The following CSNK1D variants were observed in gnomAD, a reference collection of about 807,000 sequenced individuals.
CSNK1D encodes casein kinase 1 delta.
A neutral mutation model predicts 46.6 loss-of-function variants in CSNK1D; 16 were observed. The observed-to-expected ratio is 0.34, with a 90% confidence interval of 0.23 to 0.52. CSNK1D has a LOEUF of 0.52. Ranked by LOEUF, CSNK1D falls within the 20% of genes least tolerant of loss-of-function variation. CSNK1D has a pLI of 0.95. For missense variants in CSNK1D, 398 were observed against 578.4 expected, an observed-to-expected ratio of 0.69 and a Z score of 3.20; for synonymous variants, 276 against 228.2, an observed-to-expected ratio of 1.21 and a Z score of -1.89.
At chr17:82,257,480 C>T (rs2051201665) in intron 2 of CSNK1D, among the ~76,000 whole-genome samples, 1 of 152,030 alleles carries the variant, frequency 6.6e-6, no homozygotes, top group African/African-American at 2.4e-5. Flanking sequence ...CTAACAAAAA[C>T]AGTAATAGGG....
Position 82,242,707 on chromosome 17 carries a change from T to C in CSNK1D, c.*2074A>G. The C allele has an allele frequency of 1.0e-6, 1 of 985,422 alleles. No homozygotes were observed. The highest frequency in any genetic ancestry group is 5.2e-4 in the Middle Eastern group (1 of 1,914). 61.0% of individuals were successfully genotyped at this position (985,422 alleles called of 1,614,324 possible). ...TATGAATTTATTATTTACACGATTG[T>C]TAAAGTACACAAATACAGTGGCGAT... On this transcript the variant is annotated 3_prime_UTR_variant, in exon 9 of 9. Coordinates refer to ENST00000314028, the MANE Select transcript of CSNK1D (RefSeq NM_001893.6).
rs116794634 is a variant in CSNK1D at position 82,255,875 on chromosome 17, G to A, written c.188-298C>T. On this transcript the variant is annotated intron_variant, in intron 2 of 8. Coordinates refer to ENST00000314028, the MANE Select transcript of CSNK1D (RefSeq NM_001893.6). The surrounding 1 kb of genome is among the most constrained non-coding windows in gnomAD (Gnocchi z 5.9). ...GACTCCCGTCTTCTAGGGCAGGGGGGCAGGAGACACAGAAAGCAGCCACGA... is the reference window on the plus strand; with the variant it reads ...GACTCCCGTCTTCTAGGGCAGGGGGACAGGAGACACAGAAAGCAGCCACGA... 9.4e-4 allele frequency among the ~76,000 whole-genome samples: 143 copies of A among 152,368 alleles called. No individual in the cohort carries two copies. Among genetic ancestry groups the A allele is most frequent in the African/African-American group, 3.4e-3 (140 of 41,584 alleles).
chr17:82,273,452 G>T lies in CSNK1D; in HGVS notation c.-71C>A, dbSNP rs914077639. The T allele has an allele frequency of 2.5e-6, 4 of 1,569,354 alleles. No individual in the cohort carries two copies. The highest frequency in any genetic ancestry group is 1.4e-5 in the African/African-American group (1 of 73,056). On this transcript the variant is annotated 5_prime_UTR_variant, in exon 1 of 9. Transcript: ENST00000314028. The surrounding 1 kb of genome is among the most constrained non-coding windows in gnomAD (Gnocchi z 5.1). ...GGTCTGAACTCTGGGAGGCGGCGCC[G>T]CTGCTGCCGCTACTGCGGGTCCGGC...
chr17:82,268,264 C>G (rs1483065142), intron 1 of CSNK1D, among the ~76,000 whole-genome samples: 1 of 152,250 alleles, frequency 6.6e-6, no homozygotes, highest in African/African-American at 2.4e-5. Context: ...CCACCTGCCT[C>G]AAGGTCGCTG....
Position 82,251,658 on chromosome 17 carries a change from G to T in CSNK1D, c.737-131C>A, listed in dbSNP as rs2051012318. 1.8e-5 allele frequency: 17 copies of T among 938,358 alleles called. No homozygotes were observed. The South Asian group carries it at 2.1e-4, about 12-fold the overall frequency. The allele number at this position is 938,358 out of a possible 1,614,324, so 58.1% of individuals were successfully genotyped here. On this transcript the variant is annotated intron_variant, in intron 5 of 8. Coordinates refer to ENST00000314028, the MANE Select transcript of CSNK1D (RefSeq NM_001893.6). The surrounding 1 kb of genome is among the most constrained non-coding windows in gnomAD (Gnocchi z 4.5). Reference sequence around the variant, plus strand: ...AAGGACAGATGCAAAACACCTGTCAGATTTCTAAGACCTGAAGCCTTGAGA... The same window carrying T: ...AAGGACAGATGCAAAACACCTGTCATATTTCTAAGACCTGAAGCCTTGAGA...
rs2050767722 is a variant in CSNK1D at position 82,243,060 on chromosome 17, C to T, written c.*1721G>A. On this transcript the variant is annotated 3_prime_UTR_variant, in exon 9 of 9. Transcript: ENST00000314028. ...ATCTCTTAACTCGGCTCTGACCCAC[C>T]CCAACCTCCCTCTGTACTTCAACAC... 2 of 985,340 alleles carry T rather than the reference C, an allele frequency of 2.0e-6. No homozygotes were observed. Among genetic ancestry groups the T allele is most frequent in the South Asian group, 9.4e-5 (2 of 21,292 alleles). 61.0% of individuals were successfully genotyped at this position (985,340 alleles called of 1,614,324 possible).
intron 2 of CSNK1D, among the ~76,000 whole-genome samples, chr17:82,259,677 C>T (rs2051273144): frequency 6.6e-6 from 1 of 152,298 alleles, no homozygotes; most frequent in Admixed American, 6.5e-5. Context: ...TAGAAGCTCC[C>T]CAGGGCTCAA....
Position 82,249,707 on chromosome 17 carries a change from C to G in CSNK1D, c.886-105G>C. ...GTGAGAAAATACCTACCAAAGGGCA[C>G]TGGGACGAGACTGCCTGCAAAGCCC... On this transcript the variant is annotated intron_variant, in intron 6 of 8. Coordinates refer to ENST00000314028, the MANE Select transcript of CSNK1D (RefSeq NM_001893.6). The surrounding 1 kb of genome is among the most constrained non-coding windows in gnomAD (Gnocchi z 6.7). 1.3e-6 allele frequency: 2 copies of G among 1,527,294 alleles called. No homozygotes were observed. Among genetic ancestry groups the G allele is most frequent in the Non-Finnish European group, 1.8e-6 (2 of 1,142,356 alleles). The allele number at this position is 1,527,294 out of a possible 1,614,324, so 94.6% of individuals were successfully genotyped here. A position where few individuals can be genotyped will look rare whatever the true frequency, so the allele number is the denominator to read the frequency against.
chr17:82,248,239 A>G lies in CSNK1D; in HGVS notation c.1197+636T>C. On this transcript the variant is annotated intron_variant, in intron 8 of 8. Transcript: ENST00000314028. The surrounding 1 kb of genome is among the most constrained non-coding windows in gnomAD (Gnocchi z 4.1). The stretch of plus-strand genomic sequence containing the variant: ...TGGAGAAAGCTGTTCTAGTTCAAAG[A>G]GCACGTTAGCAAACGCAAAAGACAA... The G allele has an allele frequency of 8.1e-6, 8 of 986,222 alleles. No individual in the cohort carries two copies. The highest frequency in any genetic ancestry group is 9.6e-6 in the Non-Finnish European group (8 of 830,432). The allele number at this position is 986,222 out of a possible 1,614,324, so 61.1% of individuals were successfully genotyped here. A position where few individuals can be genotyped will look rare whatever the true frequency, so the allele number is the denominator to read the frequency against.
At position 82,243,111 on chromosome 17, in the gene CSNK1D, G is replaced by A. The variant is rs777250980; in HGVS notation, c.*1670C>T. 1.3e-5 allele frequency: 13 copies of A among 985,312 alleles called. No homozygotes were observed. Among genetic ancestry groups the A allele is most frequent in the African/African-American group, 1.7e-5 (1 of 57,200 alleles). The allele number at this position is 985,312 out of a possible 1,614,324, so 61.0% of individuals were successfully genotyped here. On this transcript the variant is annotated 3_prime_UTR_variant, in exon 9 of 9. Coordinates refer to ENST00000314028, the MANE Select transcript of CSNK1D (RefSeq NM_001893.6). ...ACAGCTCCCACCCGCTCAAGGCCCCGTACTCCAAAACGCTTACACAGTAAC... is the reference window on the plus strand; with the variant it reads ...ACAGCTCCCACCCGCTCAAGGCCCCATACTCCAAAACGCTTACACAGTAAC...
rs2051250072 is a variant in CSNK1D, at chr17:82,258,770, A to C, written c.188-3193T>G. Reference sequence around the variant, plus strand: ...CCTGGAATCAGCTGCTTCTCCAAGCACTCAGGACTCCTCTTAACAGAGAAT... The same window carrying C: ...CCTGGAATCAGCTGCTTCTCCAAGCCCTCAGGACTCCTCTTAACAGAGAAT... On this transcript the variant is annotated intron_variant, in intron 2 of 8. Coordinates refer to ENST00000314028, the MANE Select transcript of CSNK1D (RefSeq NM_001893.6). Among the ~76,000 whole-genome samples the C allele has an allele frequency of 2.0e-5, 3 of 152,150 alleles. No homozygotes were observed. In the South Asian group the frequency reaches 6.2e-4, roughly 32 times the overall value.
rs762206641 is a variant in CSNK1D, at chr17:82,255,610, C to T, written c.188-33G>A. 1 of 1,613,792 alleles carries T rather than the reference C, an allele frequency of 6.2e-7. No individual in the cohort carries two copies. The highest frequency in any genetic ancestry group is 8.5e-7 in the Non-Finnish European group (1 of 1,179,796). On this transcript the variant is annotated intron_variant, in intron 2 of 8. Coordinates refer to ENST00000314028, the MANE Select transcript of CSNK1D (RefSeq NM_001893.6). The surrounding 1 kb of genome is among the most constrained non-coding windows in gnomAD (Gnocchi z 5.9). ...AGGAAATCAGACACAGTGTTTCAGTCCAGGCCCTGCCTCAGCTCCACACTA... is the reference window on the plus strand; with the variant it reads ...AGGAAATCAGACACAGTGTTTCAGTTCAGGCCCTGCCTCAGCTCCACACTA...
rs373585805 is a variant in CSNK1D at position 82,269,968 on chromosome 17, C to T, written c.76+3338G>A. ...TGAAAGAACTTCTGGTTTATGGCCACACCACATGGACACGGATGCGGAGGG... is the reference window on the plus strand; with the variant it reads ...TGAAAGAACTTCTGGTTTATGGCCATACCACATGGACACGGATGCGGAGGG... On this transcript the variant is annotated intron_variant, in intron 1 of 8. Coordinates refer to ENST00000314028, the MANE Select transcript of CSNK1D (RefSeq NM_001893.6). Among the ~76,000 whole-genome samples the T allele has an allele frequency of 5.3e-5, 8 of 152,352 alleles. No homozygotes were observed. The South Asian group carries it at 1.4e-3, about 28-fold the overall frequency.
chr17:82,239,657 G>A (rs1568544423), downstream of CSNK1D: 1 of 302,224 alleles, frequency 3.3e-6, no homozygotes, highest in Non-Finnish European at 6.1e-6. Context: ...CAGGTGCCTG[G>A]AGGCCGCTGT....
Position 82,273,493 on chromosome 17 carries a change from C to A in CSNK1D, c.-112G>T. 7.8e-7 allele frequency: 1 copy of A among 1,289,628 alleles called. No homozygotes were observed. The highest frequency in any genetic ancestry group is 1.1e-6 in the Non-Finnish European group (1 of 922,792). 79.9% of individuals were successfully genotyped at this position (1,289,628 alleles called of 1,614,324 possible). ...CGGGTCCGGCTCCCGGCTCCGCCCC[C>A]CTCACGGCCCCGCTTTCACCATCGC... On this transcript the variant is annotated 5_prime_UTR_variant, in exon 1 of 9. Transcript: ENST00000314028. This position sits in a 1 kb window ranked among gnomAD's most constrained non-coding sequence, Gnocchi z 5.1.
downstream of CSNK1D, chr17:82,239,858 G>A (rs1364409770): frequency 1.9e-6 from 1 of 535,302 alleles, no homozygotes; most frequent in South Asian, 1.0e-4. Context: ...TTTGCACCCT[G>A]TCCTCCATCC....
rs1426454602 is a variant in CSNK1D at position 82,244,635 on chromosome 17, C to A, written c.*146G>T. 6 of 1,540,936 alleles carry A rather than the reference C, an allele frequency of 3.9e-6. No homozygotes were observed. The highest frequency in any genetic ancestry group is 2.4e-5 in the South Asian group (2 of 84,148). On this transcript the variant is annotated 3_prime_UTR_variant, in exon 9 of 9. Transcript: ENST00000314028. Reference sequence around the variant, plus strand: ...GTCTGTCCGTTTAGTATGTTTCCCCCACGAGCGTCGCTGGGTGAGTGGCCT... The same window carrying A: ...GTCTGTCCGTTTAGTATGTTTCCCCAACGAGCGTCGCTGGGTGAGTGGCCT...
chr17:82,264,913 T>A (rs1442808576), intron 2 of CSNK1D, among the ~76,000 whole-genome samples: 1 of 150,962 alleles, frequency 6.6e-6, no homozygotes, highest in Non-Finnish European at 1.5e-5. Flanking sequence ...TTCTCCTGCC[T>A]CAGCCTCCCA....
In CSNK1D at chr17:82,243,192, G is replaced by C. The variant is rs115234770; in HGVS notation, c.*1589C>G. The C allele has an allele frequency of 4.3e-4, 426 of 985,524 alleles. 2 individuals are homozygous for C. The African/African-American group carries it at 6.7e-3, about 16-fold the overall frequency. The allele number at this position is 985,524 out of a possible 1,614,324, so 61.0% of individuals were successfully genotyped here. ...TCAGGCAGACGGCCAGCCAGCTGGT[G>C]GGGGGGTGAACAACTGTGTTCTGGG... On this transcript the variant is annotated 3_prime_UTR_variant, in exon 9 of 9. Coordinates refer to ENST00000314028, the MANE Select transcript of CSNK1D (RefSeq NM_001893.6).
Sources: allele counts gnomAD v4.1 joint callset (sites outside exome capture counted in the v4.1 genomes callset), GRCh38; gene constraint gnomAD v4.1.1; non-coding constraint Gnocchi (gnomAD v3.1); transcripts MANE v1.5; gene names NCBI Gene and HGNC (gene_info 2026-07-23, HGNC 2026-07-21).